Variants in PRKN observed in about 807,000 individuals in gnomAD.
PRKN encodes the protein E3 ubiquitin-protein ligase parkin.
In PRKN, 56 loss-of-function variants were observed where a neutral mutation model predicts 59.5. That is an observed-to-expected ratio of 0.94 (90% CI 0.76 to 1.18). The LOEUF (loss-of-function observed/expected upper bound fraction) is 1.18. Ranked by LOEUF, PRKN falls within the 50% of genes most tolerant of loss-of-function variation. PRKN has a pLI of 0.00. For synonymous variants in PRKN, 250 were observed against 222.1 expected (o/e 1.13, Z -1.12); for missense variants, 657 against 596.4 (o/e 1.10, Z -1.06).
chr6:161,441,313 T>A (rs943279327), intron 9 of PRKN, among the ~76,000 whole-genome samples: 2 of 152,158 alleles, frequency 1.3e-5, no homozygotes, highest in Non-Finnish European at 2.9e-5. Context: ...ACAGTTCACA[T>A]ACTTACTAAT....
At chr6:161,600,167 G>C (rs1782057145) in intron 7 of PRKN, among the ~76,000 whole-genome samples, 1 of 151,962 alleles carries the variant, frequency 6.6e-6, no homozygotes, top group African/African-American at 2.4e-5. Context: ...TTCCTTACTT[G>C]GTATTATTAT....
At chr6:162,101,973 C>T (rs369774862) in intron 4 of PRKN, among the ~76,000 whole-genome samples, 2 of 152,162 alleles carry the variant, frequency 1.3e-5, no homozygotes, top group Non-Finnish European at 2.9e-5. Flanking sequence ...AATCCACAGG[C>T]CTGATGTAAG....
chr6:162,428,302 G>GT (rs1299700111), intron 2 of PRKN, among the ~76,000 whole-genome samples: 11 of 152,108 alleles, frequency 7.2e-5, no homozygotes. Flanking sequence ...GACTGAGAAT[G>GT]TATGTATAGA....
chr6:162,258,758 G>T (rs1362459957), intron 3 of PRKN, among the ~76,000 whole-genome samples: 1 of 152,100 alleles, frequency 6.6e-6, no homozygotes, highest in Non-Finnish European at 1.5e-5. Context: ...AGCTTGAGTG[G>T]CACTGCTGTA....
At chr6:161,872,511 C>T (rs990718697) in intron 6 of PRKN, among the ~76,000 whole-genome samples, 5 of 152,106 alleles carry the variant, frequency 3.3e-5, no homozygotes, top group South Asian at 2.1e-4. Context: ...CAGCATCAGG[C>T]GCTCCTGTCC....
chr6:161,413,482 G>A lies in PRKN; in HGVS notation c.1084-26605C>T, dbSNP rs1056041761. 1.3e-5 allele frequency among the ~76,000 whole-genome samples: 2 copies of A among 152,238 alleles called. No homozygotes were observed. The highest frequency in any genetic ancestry group is 1.3e-4 in the Admixed American group (2 of 15,294). On this transcript the variant is annotated intron_variant, in intron 9 of 11. Transcript: ENST00000366898. This position sits in a 1 kb window ranked among gnomAD's most constrained non-coding sequence, Gnocchi z 4.4. ...GGGATCTGGCCAGCTGGGAATGGAA[G>A]CCAAGTGGGCATGCTGCAGTGAGAA... is the stretch of plus-strand genomic sequence containing the variant.
rs373660255 is a variant in PRKN, at chr6:162,554,963, A to G, written c.8-111490T>C. ...AAAGGAGGAATTCTGTGCTACACCT[A>G]TTATATATCTAACTCAAAAGTCACT... On this transcript the variant is annotated intron_variant, in intron 1 of 11. Coordinates refer to ENST00000366898, the MANE Select transcript of PRKN (RefSeq NM_004562.3). 9.8e-5 allele frequency among the ~76,000 whole-genome samples: 15 copies of G among 152,310 alleles called. No homozygotes were observed. The South Asian group carries it at 3.1e-3, about 32-fold the overall frequency.
intron 3 of PRKN, among the ~76,000 whole-genome samples, chr6:162,203,043 C>G (rs900768239): frequency 6.6e-6 from 1 of 152,078 alleles, no homozygotes; most frequent in Non-Finnish European, 1.5e-5. Context: ...GCTGCAAATA[C>G]GCTAGCATTG....
At chr6:161,825,973 C>T (rs1017922834) in intron 6 of PRKN, among the ~76,000 whole-genome samples, 5 of 152,148 alleles carry the variant, frequency 3.3e-5, no homozygotes, top group African/African-American at 1.2e-4. Flanking sequence ...CCTTTATTCC[C>T]CTCTATTTTT....
chr6:162,399,901 G>GA (rs1216130940), intron 2 of PRKN, among the ~76,000 whole-genome samples: 2 of 151,964 alleles, frequency 1.3e-5, no homozygotes, highest in East Asian at 1.9e-4. Flanking sequence ...GTATGATTTG[G>GA]AAAAAAAAGA....
At chr6:162,084,816 C>T (rs1779190065) in intron 4 of PRKN, among the ~76,000 whole-genome samples, 1 of 151,622 alleles carries the variant, frequency 6.6e-6, no homozygotes, top group South Asian at 2.1e-4. Flanking sequence ...AATTATGATC[C>T]AAGCAAAGTT....
chr6:162,346,009 T>C (rs948508227), intron 2 of PRKN, among the ~76,000 whole-genome samples: 3 of 152,156 alleles, frequency 2.0e-5, no homozygotes, highest in African/African-American at 7.2e-5. Context: ...TTAGCTGGCA[T>C]GCTCTTGCCC....
At chr6:162,537,243 T>G (rs754323674) in intron 1 of PRKN, among the ~76,000 whole-genome samples, 4 of 152,048 alleles carry the variant, frequency 2.6e-5, no homozygotes, top group Non-Finnish European at 5.9e-5. Context: ...AATTTCTCTG[T>G]TTTCCCTTCC....
intron 1 of PRKN, among the ~76,000 whole-genome samples, chr6:162,508,028 C>G (rs999872737): frequency 6.6e-6 from 1 of 152,064 alleles, no homozygotes; most frequent in African/African-American, 2.4e-5. Flanking sequence ...AAAGATATAC[C>G]CAAGACTGGG....
chr6:161,612,486 C>T (rs769687028), intron 7 of PRKN, among the ~76,000 whole-genome samples: 4 of 151,990 alleles, frequency 2.6e-5, no homozygotes, highest in Non-Finnish European at 5.9e-5. Context: ...TTTGGGAGGC[C>T]GAAGCAGGTG....
In PRKN at chr6:161,518,960, A is replaced by G. The variant is rs574654683; in HGVS notation, c.1083+29894T>C. On this transcript the variant is annotated intron_variant, in intron 9 of 11. Coordinates refer to ENST00000366898, the MANE Select transcript of PRKN (RefSeq NM_004562.3). The surrounding 1 kb of genome is among the most constrained non-coding windows in gnomAD (Gnocchi z 5.0). The stretch of plus-strand genomic sequence containing the variant: ...ATGCCTGAGCATGGAACTCTGGGAA[A>G]ACTGCACTCGTGTCCAGATGCAAGT... Among the ~76,000 whole-genome samples the G allele has an allele frequency of 4.6e-4, 70 of 152,322 alleles. No homozygotes were observed. The highest frequency in any genetic ancestry group is 8.7e-4 in the Non-Finnish European group (59 of 68,026).
chr6:161,924,181 AC>A (rs1011848759), intron 6 of PRKN, among the ~76,000 whole-genome samples: 1 of 152,158 alleles, frequency 6.6e-6, no homozygotes, highest in African/African-American at 2.4e-5. Context: ...GCTAAAGAAT[AC>A]CTAGGAAAAA....
At chr6:161,465,099 G>A (rs532563494) in intron 9 of PRKN, among the ~76,000 whole-genome samples, 3 of 152,294 alleles carry the variant, frequency 2.0e-5, no homozygotes, top group East Asian at 1.9e-4. Flanking sequence ...GCAAAAAGTC[G>A]CAGCGACAGA....
rs1003090506 is a variant in PRKN at position 161,959,669 on chromosome 6, G to C, written c.734+13633C>G. 2.0e-5 allele frequency among the ~76,000 whole-genome samples: 3 copies of C among 152,102 alleles called. No individual in the cohort carries two copies. In the East Asian group the frequency reaches 5.8e-4, roughly 29 times the overall value. On this transcript the variant is annotated intron_variant, in intron 6 of 11. Coordinates refer to ENST00000366898, the MANE Select transcript of PRKN (RefSeq NM_004562.3). ...AATATTTCCTCTGAGGTGATACTCA[G>C]GGTTAGATACTCCCAAATGAATAAA...
Sources: allele counts gnomAD v4.1 joint callset (sites outside exome capture counted in the v4.1 genomes callset), GRCh38; gene constraint gnomAD v4.1.1; non-coding constraint Gnocchi (gnomAD v3.1); transcripts MANE v1.5; gene names NCBI Gene and HGNC (gene_info 2026-07-23, HGNC 2026-07-21).